STK10: variants seen among roughly 807,000 people sequenced by gnomAD.
The protein encoded by STK10 is serine/threonine-protein kinase 10.
In STK10, 78 loss-of-function variants were observed where a neutral mutation model predicts 113.8. That is an observed-to-expected ratio of 0.69 (90% CI 0.57 to 0.83). The LOEUF (loss-of-function observed/expected upper bound fraction) is 0.83, where lower values mean the gene tolerates loss of function less well. Ranked by LOEUF, STK10 falls within the 40% of genes least tolerant of loss-of-function variation. The pLI is 0.00. For synonymous variants in STK10, 465 were observed against 494.7 expected, an observed-to-expected ratio of 0.94 and a Z score of 0.80; for missense variants, 1,109 against 1,280.1, an observed-to-expected ratio of 0.87 and a Z score of 2.04.
chr5:172,186,695 C>T (rs976998276), intron 1 of STK10, among the ~76,000 whole-genome samples: 3 of 152,184 alleles, frequency 2.0e-5, no homozygotes, highest in African/African-American at 7.2e-5. Context: ...AACCTATTTG[C>T]TTAGGAATCA....
intron 6 of STK10, 53 bp from the exon 7 acceptor site, chr5:172,105,790 G>GCCCC (rs1338134829): frequency 1.7e-5 from 26 of 1,524,666 alleles, no homozygotes; most frequent in Middle Eastern, 1.7e-4. Context: ...GCAGAGAGAA[G>GCCCC]CCCCCCACGT....
chr5:172,064,995 C>T (rs1457341273), intron 12 of STK10, among the ~76,000 whole-genome samples, 183 bp from the exon 13 acceptor site: 2 of 152,214 alleles, frequency 1.3e-5, no homozygotes, highest in Non-Finnish European at 2.9e-5. Context: ...CTGGCCTACT[C>T]CTGCCTGCCG....
At position 172,042,995 on chromosome 5, in the gene STK10, G is replaced by T. The variant is rs995166937; in HGVS notation, c.*1887C>A. 5.3e-5 allele frequency: 8 copies of T among 152,096 alleles called. No homozygotes were observed. Among genetic ancestry groups the T allele is most frequent in the Non-Finnish European group, 1.2e-4 (8 of 68,030 alleles). The allele number at this position is 152,096 out of a possible 1,614,324, so 9.4% of individuals were successfully genotyped here. ...TAGCTGGGTGCAGTAGCATGTATCT[G>T]TCGTCCCAGCTACTCAAGGTTGAAG... is the stretch of plus-strand genomic sequence containing the variant. On this transcript the variant is annotated 3_prime_UTR_variant, in exon 19 of 19. Coordinates refer to ENST00000176763, the MANE Select transcript of STK10 (RefSeq NM_005990.4).
intron 9 of STK10, among the ~76,000 whole-genome samples, chr5:172,090,996 A>C (rs75874735): frequency 6.8e-6 from 1 of 147,648 alleles, no homozygotes; most frequent in African/African-American, 2.5e-5. Flanking sequence ...TGCACCACTT[A>C]CTTGCTCTGT....
intron 12 of STK10, among the ~76,000 whole-genome samples, chr5:172,069,669 A>G (rs1487060188): frequency 6.6e-6 from 1 of 152,252 alleles, no homozygotes; most frequent in Non-Finnish European, 1.5e-5. Context: ...GTGAAACAAA[A>G]GCTGACAGAA....
intron 2 of STK10, among the ~76,000 whole-genome samples, chr5:172,144,684 T>A (rs1404822601): frequency 1.3e-5 from 2 of 152,000 alleles, no homozygotes; most frequent in African/African-American, 4.8e-5. Context: ...GGGGAAGGAA[T>A]TAGGACTGCC....
chr5:172,094,112 A>C (rs1231573323), intron 8 of STK10, 152 bp from the exon 9 acceptor site: 4 of 485,546 alleles, frequency 8.2e-6, no homozygotes, highest in Non-Finnish European at 1.3e-5. Context: ...AGTCTTCAGC[A>C]CTCCCTATTG....
intron 1 of STK10, among the ~76,000 whole-genome samples, chr5:172,181,183 C>T (rs960291270): frequency 6.6e-6 from 1 of 152,248 alleles, no homozygotes; most frequent in Admixed American, 6.5e-5. Context: ...CACATCCACC[C>T]ATGTGGTGCA....
intron 2 of STK10, among the ~76,000 whole-genome samples, chr5:172,137,353 C>T (rs1769884545): frequency 6.6e-6 from 1 of 152,052 alleles, no homozygotes; most frequent in Non-Finnish European, 1.5e-5. Flanking sequence ...AGAGAGATTA[C>T]ACCATGATCA....
rs1445995295 is a variant in STK10 at position 172,087,625 on chromosome 5, T to TTATTTA, written c.1685+2606_1685+2607insTAAATA. Among the ~76,000 whole-genome samples the TTATTTA allele has an allele frequency of 8.7e-4, 81 of 93,228 alleles. 20 individuals are homozygous for TTATTTA. The highest frequency in any genetic ancestry group is 4.6e-3 in the African/African-American group (76 of 16,482). 61.2% of individuals were successfully genotyped at this position (93,228 alleles called of 152,430 possible). The stretch of plus-strand genomic sequence containing the variant: ...TTTTTAAATTTATTTACTTATTTAT[T>TTATTTA]TTTTTTTTTTTTTTGAGACGGAGTC... On this transcript the variant is annotated intron_variant, in intron 10 of 18. Transcript: ENST00000176763.
chr5:172,053,814 G>GC, intron 17 of STK10, among the ~76,000 whole-genome samples: 1 of 152,370 alleles, frequency 6.6e-6, no homozygotes, highest in South Asian at 2.1e-4. Context: ...AATACTCGCA[G>GC]CAGCGCTGCA....
intron 2 of STK10, among the ~76,000 whole-genome samples, chr5:172,149,651 A>G (rs1378732874): frequency 6.6e-6 from 1 of 152,148 alleles, no homozygotes; most frequent in Non-Finnish European, 1.5e-5. Flanking sequence ...TCTGGCACCC[A>G]AAACTGCCAA....
At position 172,044,895 on chromosome 5, in the gene STK10, G is replaced by T. The variant is rs757292727; in HGVS notation, c.2894C>A (p.Ala965Glu). 1.9e-6 allele frequency: 3 copies of T among 1,614,198 alleles called. No homozygotes were observed. Among genetic ancestry groups the T allele is most frequent in the Non-Finnish European group, 2.5e-6 (3 of 1,180,040 alleles). ...KAAKFFPYSS[A>E]DAS ...CCCGGGCGGTTGTTAAGAAGCATCCGCAGAACTGTAGGGGAAGAACTTGGC... is the reference window on the plus strand; with the variant it reads ...CCCGGGCGGTTGTTAAGAAGCATCCTCAGAACTGTAGGGGAAGAACTTGGC... Residue 965 changes from alanine to glutamate, a missense_variant, in exon 19 of 19, where the codon GCG becomes GAG. By Grantham distance (107) the Ala-to-Glu change is moderately radical. Transcript: ENST00000176763. This position sits in a 1 kb window ranked among gnomAD's most constrained non-coding sequence, Gnocchi z 4.5.
rs375577096 is a variant in STK10 at position 172,130,856 on chromosome 5, C to T, written c.322-3435G>A. Among the ~76,000 whole-genome samples the T allele has an allele frequency of 3.6e-4, 55 of 152,212 alleles. No homozygotes were observed. The East Asian group carries it at 5.6e-3, about 15-fold the overall frequency. On this transcript the variant is annotated intron_variant, in intron 2 of 18. Coordinates refer to ENST00000176763, the MANE Select transcript of STK10 (RefSeq NM_005990.4). ...GTTAAATCTCTACCAAATGAAATCA[C>T]CAGTAAGTTTCATGCTTAGATCACG...
rs942035643 is a variant in STK10 at position 172,155,603 on chromosome 5, TA to T, written c.321+1020del. ...TATAAGAGCAAAATAAAAATAAAAA[TA>T]AAAAAAAGAAAGAAAGAAAAGGAAA... On this transcript the variant is annotated intron_variant, in intron 2 of 18. Transcript: ENST00000176763. 1.5e-3 allele frequency among the ~76,000 whole-genome samples: 187 copies of T among 124,602 alleles called. 1 individual carries two copies. In the Middle Eastern group the frequency reaches 0.022, roughly 15 times the overall value. The allele number at this position is 124,602 out of a possible 152,430, so 81.7% of individuals were successfully genotyped here.
At chr5:172,168,549 G>T (rs1770609874) in intron 1 of STK10, among the ~76,000 whole-genome samples, 1 of 152,142 alleles carries the variant, frequency 6.6e-6, no homozygotes. Context: ...CCAGGTCCTT[G>T]CGGGCTCAGG....
chr5:172,149,518 GTGTC>G (rs1446045929), intron 2 of STK10, among the ~76,000 whole-genome samples: 153 of 146,402 alleles, frequency 1.0e-3, no homozygotes, highest in African/African-American at 3.9e-3. Context: ...GTGTGTGTGT[GTGTC>G]TGTGTGTGTG....
intron 3 of STK10, among the ~76,000 whole-genome samples, chr5:172,126,713 G>A (rs80193726): frequency 1.3e-4 from 20 of 152,296 alleles, no homozygotes; most frequent in Admixed American, 9.8e-4. Context: ...GATCATCGTC[G>A]TCATTATTGC....
chr5:172,087,875 G>A (rs1477493844), intron 10 of STK10, among the ~76,000 whole-genome samples: 1 of 102,088 alleles, frequency 9.8e-6, no homozygotes, highest in Non-Finnish European at 2.1e-5. Flanking sequence ...TGATCCACCC[G>A]CCTCGGCCTC....
Sources: allele counts gnomAD v4.1 joint callset (sites outside exome capture counted in the v4.1 genomes callset), GRCh38; gene constraint gnomAD v4.1.1; non-coding constraint Gnocchi (gnomAD v3.1); transcripts MANE v1.5; gene names NCBI Gene and HGNC (gene_info 2026-07-23, HGNC 2026-07-21).